The following CDH18 variants were observed in gnomAD, a reference collection of about 807,000 sequenced individuals.
The protein encoded by CDH18 is cadherin 18.
A neutral mutation model predicts 67.9 loss-of-function variants in CDH18; 31 were observed. That is an observed-to-expected ratio of 0.46 (90% CI 0.34 to 0.62). CDH18 has a LOEUF of 0.62. Ranked by LOEUF, CDH18 falls within the 20% of genes least tolerant of loss-of-function variation. The probability of loss-of-function intolerance (pLI) is 0.01; values close to 1 mark genes in which losing one functional copy is unlikely to be tolerated. For synonymous variants in CDH18, 362 were observed against 347.2 expected (o/e 1.04, Z -0.48); for missense variants, 890 against 975.5 (o/e 0.91, Z 1.17).
chr5:20,047,614 C>G (rs147964220), intron 2 of CDH18, among the ~76,000 whole-genome samples: 4 of 151,822 alleles, frequency 2.6e-5, no homozygotes, highest in African/African-American at 9.6e-5. Context: ...TTCAGATAGT[C>G]TATTGTTTAA....
chr5:20,561,459 G>C lies in CDH18; in HGVS notation c.-580+14003C>G, dbSNP rs974212010. On this transcript the variant is annotated intron_variant, in intron 1 of 14. Transcript: ENST00000507958. ...TGAGCTATCAAACCAAAAAGACATG[G>C]AGCAACCTTAAATTCATCTTACTAA... Among the ~76,000 whole-genome samples, 40 of 152,002 alleles carry C rather than the reference G, an allele frequency of 2.6e-4. 1 individual carries two copies. The highest frequency in any genetic ancestry group is 9.2e-4 in the African/African-American group (38 of 41,420).
intron 2 of CDH18, among the ~76,000 whole-genome samples, chr5:19,939,394 G>A (rs937642061): frequency 8.3e-6 from 1 of 120,476 alleles, no homozygotes; most frequent in Non-Finnish European, 2.1e-5. Context: ...CCAAATAAAG[G>A]CAGTCTAGCC....
chr5:20,410,982 C>A, intron 1 of CDH18, among the ~76,000 whole-genome samples: 1 of 151,926 alleles, frequency 6.6e-6, no homozygotes, highest in East Asian at 1.9e-4. Flanking sequence ...GAGACGATAT[C>A]CCATATTTCT....
chr5:20,239,064 T>A (rs1349480668), intron 2 of CDH18, among the ~76,000 whole-genome samples: 1 of 152,200 alleles, frequency 6.6e-6, no homozygotes, highest in Non-Finnish European at 1.5e-5. Context: ...AATGAACTAT[T>A]GATACATGCT....
chr5:20,056,588 C>T (rs1741992079), intron 2 of CDH18, among the ~76,000 whole-genome samples: 1 of 130,892 alleles, frequency 7.6e-6, no homozygotes, highest in South Asian at 2.4e-4. Context: ...TGATCTTTGT[C>T]CTCATTTGAT....
intron 2 of CDH18, among the ~76,000 whole-genome samples, chr5:20,209,599 T>C (rs1221609266): frequency 2.7e-5 from 4 of 150,786 alleles, no homozygotes; most frequent in Non-Finnish European, 5.9e-5. Flanking sequence ...TCTGGGAAAA[T>C]TGGCATAGGG....
At chr5:20,449,029 A>T (rs1750228539) in intron 1 of CDH18, among the ~76,000 whole-genome samples, 1 of 152,020 alleles carries the variant, frequency 6.6e-6, no homozygotes, top group Non-Finnish European at 1.5e-5. Flanking sequence ...GAAAGAAATC[A>T]TGAGGATGTA....
intron 3 of CDH18, among the ~76,000 whole-genome samples, chr5:19,771,550 T>C (rs964407904): frequency 1.3e-5 from 2 of 152,174 alleles, no homozygotes; most frequent in African/African-American, 4.8e-5. Flanking sequence ...GCTAACACCT[T>C]GATCACAGCC....
chr5:20,083,598 C>A lies in CDH18; in HGVS notation c.-517-91584G>T, dbSNP rs1311465721. On this transcript the variant is annotated intron_variant, in intron 2 of 14. Coordinates refer to the CDH18 transcript ENST00000507958. ...CTCAGGCCCCCTATTCACTGACATG[C>A]CACAATATTAAAATTAGTCTGTTTT... Among the ~76,000 whole-genome samples the A allele has an allele frequency of 3.9e-5, 6 of 152,092 alleles. No homozygotes were observed. In the East Asian group the frequency reaches 1.2e-3, roughly 29 times the overall value.
chr5:19,887,967 T>C (rs1788399452), intron 2 of CDH18, among the ~76,000 whole-genome samples: 1 of 152,138 alleles, frequency 6.6e-6, no homozygotes, highest in South Asian at 2.1e-4. Context: ...AAAAAGGCCA[T>C]GCATACACAA....
intron 4 of CDH18, among the ~76,000 whole-genome samples, chr5:19,726,449 A>G (rs1460587823): frequency 6.6e-6 from 1 of 152,184 alleles, no homozygotes; most frequent in African/African-American, 2.4e-5. Flanking sequence ...TGAAGGCATC[A>G]GGGTACCACT....
chr5:20,396,751 T>C (rs559932962), intron 1 of CDH18, among the ~76,000 whole-genome samples: 18 of 151,752 alleles, frequency 1.2e-4, no homozygotes, highest in Admixed American at 1.1e-3. Context: ...AATTTCAAAC[T>C]TGAGTGTAAT....
At chr5:20,428,893 T>C (rs1315033948) in intron 1 of CDH18, among the ~76,000 whole-genome samples, 1 of 152,160 alleles carries the variant, frequency 6.6e-6, no homozygotes, top group Non-Finnish European at 1.5e-5. Context: ...AGTGTGACCA[T>C]TAGTGAATTT....
Position 19,528,691 on chromosome 5 carries a change from G to A in CDH18, c.1391-7913C>T, listed in dbSNP as rs150902536. Among the ~76,000 whole-genome samples, 527 of 151,924 alleles carry A rather than the reference G, an allele frequency of 3.5e-3. 1 individual carries two copies. Among genetic ancestry groups the A allele is most frequent in the African/African-American group, 0.012 (506 of 41,512 alleles). ...GAAGCTATTTATGAAGCCCAAAATT[G>A]ATTGATTCTAAGTGAGGGAAGAACT... On this transcript the variant is annotated intron_variant, in intron 9 of 12. Transcript: ENST00000382275.
chr5:20,397,499 T>C (rs997090149), intron 1 of CDH18, among the ~76,000 whole-genome samples: 2 of 152,168 alleles, frequency 1.3e-5, no homozygotes, highest in African/African-American at 2.4e-5. Flanking sequence ...GTCCAAAAGA[T>C]AATTTTCAGA....
At chr5:20,016,235 C>T (rs1295257379) in intron 2 of CDH18, among the ~76,000 whole-genome samples, 1 of 152,020 alleles carries the variant, frequency 6.6e-6, no homozygotes. Flanking sequence ...ACCACATGTT[C>T]TCACTTATAA....
intron 1 of CDH18, among the ~76,000 whole-genome samples, chr5:20,342,828 C>T (rs776062012): frequency 1.3e-5 from 2 of 152,162 alleles, no homozygotes; most frequent in Non-Finnish European, 2.9e-5. Flanking sequence ...GCTGGAAATG[C>T]TTGACCTCCC....
chr5:19,474,223 A>T (rs1738061675), intron 12 of CDH18, among the ~76,000 whole-genome samples: 1 of 152,174 alleles, frequency 6.6e-6, no homozygotes, highest in Admixed American at 6.6e-5. Flanking sequence ...AAATCAAAGC[A>T]GAAATATTTT....
intron 1 of CDH18, among the ~76,000 whole-genome samples, chr5:20,354,528 C>T (rs1188225141): frequency 6.6e-6 from 1 of 152,092 alleles, no homozygotes; most frequent in Non-Finnish European, 1.5e-5. Context: ...GATCCTCCTG[C>T]CCCAAATGGG....
Sources: gnomAD v4.1 joint callset for allele counts (sites outside exome capture counted in the v4.1 genomes callset) on GRCh38, gnomAD v4.1.1 for gene constraint, MANE v1.5 for transcripts, NCBI Gene and HGNC (gene_info 2026-07-23, HGNC 2026-07-21) for gene names.